Variants in DZIP1 observed in about 807,000 individuals in gnomAD.
DZIP1 encodes the protein DAZ interacting zinc finger protein 1.
DZIP1 carries 97 observed loss-of-function variants against 107.6 expected under a neutral mutation model. The ratio of observed to expected loss-of-function variants is 0.90; its 90% confidence interval spans 0.77 to 1.07. The LOEUF is 1.07. Among genes scored for constraint, DZIP1 ranks in the 50% least tolerant of loss-of-function variants. DZIP1 has a pLI of 0.00. For synonymous variants in DZIP1, 390 were observed against 386.4 expected (o/e 1.01, Z -0.11); for missense variants, 1,035 against 1,063.6 (o/e 0.97, Z 0.37).
intron 21 of DZIP1, among the ~76,000 whole-genome samples, 181 bp from the exon 22 acceptor site, chr13:95,585,091 T>C (rs2044126495): frequency 6.6e-6 from 1 of 152,220 alleles, no homozygotes; most frequent in African/African-American, 2.4e-5. Flanking sequence ...AGTTGGTATT[T>C]TGAAATCTGA....
At position 95,642,135 on chromosome 13, in the gene DZIP1, G is replaced by T; in HGVS notation, c.-106C>A. On this transcript the variant is annotated 5_prime_UTR_variant, in exon 4 of 23. Transcript: ENST00000376829. ...CCGGGTTCCTCGCTTCCGCGGCGGC[G>T]GCGGCCTAAGGTCTGGGCGTCCAGG... is the stretch of plus-strand genomic sequence containing the variant. 7.2e-7 allele frequency: 1 copy of T among 1,385,458 alleles called. No homozygotes were observed. Among genetic ancestry groups the T allele is most frequent in the South Asian group, 1.6e-5 (1 of 62,208 alleles). The allele number at this position is 1,385,458 out of a possible 1,614,324, so 85.8% of individuals were successfully genotyped here.
intron 8 of DZIP1, among the ~76,000 whole-genome samples, 166 bp from the exon 9 acceptor site, chr13:95,622,646 T>C (rs17235334): frequency 0.097 from 14,753 of 152,236 alleles, 765 homozygotes; most frequent in East Asian, 0.17. Flanking sequence ...GTGGTTTTAC[T>C]GGTTTGTTTC....
rs2043998201 is a variant in DZIP1, at chr13:95,580,450, T to C, written c.*1784A>G. 3 of 152,052 alleles carry C rather than the reference T, an allele frequency of 2.0e-5. No homozygotes were observed. The highest frequency in any genetic ancestry group is 1.3e-4 in the Admixed American group (2 of 15,250). The allele number at this position is 152,052 out of a possible 1,614,324, so 9.4% of individuals were successfully genotyped here. A position where few individuals can be genotyped will look rare whatever the true frequency, so the allele number is the denominator to read the frequency against. On this transcript the variant is annotated 3_prime_UTR_variant, in exon 23 of 23. Coordinates refer to ENST00000376829, the MANE Select transcript of DZIP1 (RefSeq NM_198968.4). ...ACTGGGTTTACTTAGCAAAAGTTCA[T>C]TTCCCCAAGCTCTTCTGCTCAGGAA...
chr13:95,599,307 T>C lies in DZIP1; in HGVS notation c.1537+58A>G, dbSNP rs1280238437. 2.7e-6 allele frequency: 4 copies of C among 1,470,750 alleles called. No individual in the cohort carries two copies. The Admixed American group carries it at 6.9e-5, about 25-fold the overall frequency. 91.1% of individuals were successfully genotyped at this position (1,470,750 alleles called of 1,614,324 possible). A position where few individuals can be genotyped will look rare whatever the true frequency, so the allele number is the denominator to read the frequency against. On this transcript the variant is annotated intron_variant, in intron 15 of 22. Transcript: ENST00000376829. The stretch of plus-strand genomic sequence containing the variant: ...ACCACTGGCTCATATTTTCCAGGCC[T>C]AGATTTTGGCATATAAATATAATCT...
intron 15 of DZIP1, 96 bp from the exon 16 acceptor site, chr13:95,594,182 CAAGT>C (rs1356839504): frequency 4.9e-5 from 48 of 979,110 alleles, no homozygotes; most frequent in Middle Eastern, 2.7e-4. Context: ...TTTTAAGCAG[CAAGT>C]AAGTATTTGT....
intron 9 of DZIP1, 109 bp from the exon 10 acceptor site, chr13:95,620,056 TA>T (rs1433511657): frequency 2.5e-6 from 3 of 1,214,202 alleles, no homozygotes; most frequent in Non-Finnish European, 3.5e-6. Context: ...ATCTATCTGG[TA>T]AAATTTTAGC....
intron 19 of DZIP1, 190 bp from the exon 20 acceptor site, chr13:95,587,919 A>G (rs1298986306): frequency 1.0e-5 from 6 of 595,778 alleles, no homozygotes; most frequent in Non-Finnish European, 1.7e-5. Flanking sequence ...GCATCCTCCC[A>G]CGCCCAGATC....
intron 10 of DZIP1, among the ~76,000 whole-genome samples, chr13:95,614,204 G>A (rs887160125): frequency 2.1e-4 from 32 of 151,716 alleles, no homozygotes; most frequent in Admixed American, 2.0e-3. Flanking sequence ...GCTCCTATGA[G>A]GCTGGACAAA....
intron 11 of DZIP1, among the ~76,000 whole-genome samples, chr13:95,611,736 A>G (rs967784533): frequency 6.6e-6 from 1 of 152,216 alleles, no homozygotes; most frequent in Non-Finnish European, 1.5e-5. Context: ...ATAACAAAAA[A>G]TCTTTTTAAA....
At chr13:95,630,158 T>C (rs775644399) in intron 6 of DZIP1, 45 bp from the exon 7 acceptor site, 2 of 1,583,806 alleles carry the variant, frequency 1.3e-6, no homozygotes, top group Non-Finnish European at 1.7e-6. Flanking sequence ...TCTTACCAAA[T>C]GTACCTGGAA....
At chr13:95,633,732 C>T (rs568589133) in intron 5 of DZIP1, among the ~76,000 whole-genome samples, 167 of 150,442 alleles carry the variant, frequency 1.1e-3, no homozygotes, top group Admixed American at 3.4e-3. Flanking sequence ...ACCTCTTGGG[C>T]GCTTTCTCGC....
intron 19 of DZIP1, among the ~76,000 whole-genome samples, chr13:95,588,665 T>C (rs1179086449): frequency 6.6e-6 from 1 of 152,132 alleles, no homozygotes; most frequent in African/African-American, 2.4e-5. Flanking sequence ...AAAACAGTAA[T>C]CAACTAAATC....
In DZIP1 at chr13:95,624,789, C is replaced by T. The variant is rs760394767; in HGVS notation, c.951G>A (p.Ser317=). The change falls in exon 8 of 23, where the codon TCG becomes TCA. Residue 317 remains serine (S), a synonymous_variant. Coordinates refer to ENST00000376829, the MANE Select transcript of DZIP1 (RefSeq NM_198968.4). ...MFMKEFKELT[S]KNSALEYQLS... is the part of the protein sequence containing the mutation. ...TTACATATTCTAATGCTGAATTCTT[C>T]GAAGTTAATTCTTTAAATTCCTTCA... The T allele has an allele frequency of 8.1e-6, 13 of 1,602,024 alleles. No individual in the cohort carries two copies. Among genetic ancestry groups the T allele is most frequent in the African/African-American group, 4.0e-5 (3 of 74,770 alleles).
chr13:95,622,736 G>A (rs542804809), intron 8 of DZIP1, among the ~76,000 whole-genome samples: 8 of 146,084 alleles, frequency 5.5e-5, no homozygotes, highest in South Asian at 2.2e-4. Flanking sequence ...AATCTTAAAC[G>A]AGTCTAATTT....
In DZIP1 at chr13:95,610,055, AGTGTGTGTGTGTGTGTGTGTGTGT is replaced by A. The variant is rs58398816; in HGVS notation, c.1364-566_1364-543del. ...CTCTTGCCCTGGTCTTGACTGGTTTAGTGTGTGTGTGTGTGTGTGTGTGTGTGTGTGTGTGTGTGTGTGTGTGTG... is the reference window on the plus strand; with the variant it reads ...CTCTTGCCCTGGTCTTGACTGGTTTAGTGTGTGTGTGTGTGTGTGTGTGTG... On this transcript the variant is annotated intron_variant, in intron 12 of 22. Transcript: ENST00000376829. 2.2e-4 allele frequency among the ~76,000 whole-genome samples: 24 copies of A among 109,348 alleles called. 1 individual carries two copies. Among genetic ancestry groups the A allele is most frequent in the Admixed American group, 5.3e-4 (6 of 11,262 alleles). The allele number at this position is 109,348 out of a possible 152,430, so 71.7% of individuals were successfully genotyped here.
chr13:95,603,315 A>C (rs1201333103), intron 14 of DZIP1, among the ~76,000 whole-genome samples: 8 of 136,630 alleles, frequency 5.9e-5, no homozygotes, highest in African/African-American at 2.5e-4. Context: ...TCAAAAAAAA[A>C]AAAAAAAAAA....
Position 95,641,959 on chromosome 13 carries a change from C to T in DZIP1, c.36+35G>A. 1 of 1,566,538 alleles carries T rather than the reference C, an allele frequency of 6.4e-7. No individual in the cohort carries two copies. The highest frequency in any genetic ancestry group is 8.6e-7 in the Non-Finnish European group (1 of 1,162,290). ...GCCCCGGTTCTCCCCAGCCCGGCAT[C>T]CCCGTCGGGGGCGCCCCGGCCTCCC... is the stretch of plus-strand genomic sequence containing the variant. On this transcript the variant is annotated intron_variant, in intron 4 of 22. Transcript: ENST00000376829. The surrounding 1 kb of genome is among the most constrained non-coding windows in gnomAD (Gnocchi z 4.3).
chr13:95,610,105 T>A (rs61975166), intron 12 of DZIP1, among the ~76,000 whole-genome samples: 58,367 of 118,758 alleles, frequency 0.49, 13,470 homozygotes, highest in African/African-American at 0.61. Context: ...TGTGTGTGTG[T>A]GTGTGTGAGA....
intron 7 of DZIP1, among the ~76,000 whole-genome samples, chr13:95,628,497 GT>G (rs1339125504): frequency 3.9e-5 from 6 of 152,166 alleles, no homozygotes; most frequent in Admixed American, 3.9e-4. Flanking sequence ...TAGAGAGATG[GT>G]AGTTGCACAA....
Sources: allele counts gnomAD v4.1 joint callset (sites outside exome capture counted in the v4.1 genomes callset), GRCh38; gene constraint gnomAD v4.1.1; non-coding constraint Gnocchi (gnomAD v3.1); transcripts MANE v1.5; gene names NCBI Gene and HGNC (gene_info 2026-07-23, HGNC 2026-07-21).